DLC1: variants seen among roughly 807,000 people sequenced by gnomAD.
The protein encoded by DLC1 is rho GTPase-activating protein 7.
Under a neutral mutation model 140.3 loss-of-function variants are expected in DLC1, and 54 were observed. The observed-to-expected ratio is 0.38, with a 90% CI of 0.31 to 0.48. DLC1 has a LOEUF of 0.48. DLC1 is among the 20% of genes least tolerant of loss of function. DLC1 has a pLI of 0.96. For synonymous variants in DLC1, 986 were observed against 728.1 expected (o/e 1.35, Z -5.70); for missense variants, 2,536 against 1,907.0 (o/e 1.33, Z -6.14).
At chr8:13,394,127 C>T (rs915184207) in intron 3 of DLC1, among the ~76,000 whole-genome samples, 1 of 152,206 alleles carries the variant, frequency 6.6e-6, no homozygotes, top group African/African-American at 2.4e-5. Flanking sequence ...AGAGAGTTCT[C>T]ATTTCTTCTT....
At chr8:13,150,103 G>A (rs577291812) in intron 5 of DLC1, among the ~76,000 whole-genome samples, 3 of 152,128 alleles carry the variant, frequency 2.0e-5, no homozygotes, top group Admixed American at 6.5e-5. Context: ...ATATATGTGT[G>A]TATGTGCGGG....
intron 1 of DLC1, among the ~76,000 whole-genome samples, chr8:13,570,889 C>T (rs149962516): frequency 7.9e-5 from 12 of 152,148 alleles, no homozygotes; most frequent in Non-Finnish European, 1.5e-4. Flanking sequence ...TCTAGACTAA[C>T]CTACCAGACC....
intron 4 of DLC1, among the ~76,000 whole-genome samples, chr8:13,358,741 A>G (rs1197052700): frequency 1.3e-5 from 2 of 152,142 alleles, no homozygotes; most frequent in East Asian, 3.9e-4. Flanking sequence ...AGAGATGTGT[A>G]GAAAAAATTG....
chr8:13,234,225 C>T (rs967356308), intron 5 of DLC1, among the ~76,000 whole-genome samples: 2 of 152,008 alleles, frequency 1.3e-5, no homozygotes, highest in African/African-American at 4.8e-5. Flanking sequence ...ATTCTCAAAG[C>T]TTAAGGCCAA....
At chr8:13,287,820 G>C (rs1831587832) in intron 5 of DLC1, among the ~76,000 whole-genome samples, 1 of 151,522 alleles carries the variant, frequency 6.6e-6, no homozygotes, top group African/African-American at 2.4e-5. Flanking sequence ...AAATAAAACA[G>C]GCAATTTTGC....
chr8:13,506,541 A>G (rs907448056), intron 1 of DLC1, among the ~76,000 whole-genome samples: 3 of 144,628 alleles, frequency 2.1e-5, no homozygotes, highest in Admixed American at 7.1e-5. Context: ...ATACACACAC[A>G]TGGACACACA....
chr8:13,329,837 A>C (rs1833513645), intron 4 of DLC1, among the ~76,000 whole-genome samples: 2 of 152,164 alleles, frequency 1.3e-5, no homozygotes, highest in South Asian at 4.1e-4. Flanking sequence ...GGTAACTTTC[A>C]TGTAGTAAGT....
chr8:13,366,953 G>A (rs920642420), intron 4 of DLC1, among the ~76,000 whole-genome samples: 31 of 151,892 alleles, frequency 2.0e-4, no homozygotes, highest in Non-Finnish European at 3.2e-4. Context: ...CCTGTCTTGC[G>A]TGCATGGGGC....
chr8:13,233,553 T>C (rs543928159), intron 5 of DLC1, among the ~76,000 whole-genome samples: 2 of 152,310 alleles, frequency 1.3e-5, no homozygotes, highest in Admixed American at 6.5e-5. Context: ...ATTCCAATCA[T>C]GGAGTATATT....
intron 1 of DLC1, 49 bp from the exon 2 acceptor site, chr8:13,500,245 T>A (rs1404688244): frequency 1.8e-6 from 1 of 554,196 alleles, no homozygotes; most frequent in Non-Finnish European, 3.1e-6. Flanking sequence ...GTTTCTAAAG[T>A]CAAAATATAT....
At chr8:13,124,666 G>T (rs1006649540) in intron 5 of DLC1, among the ~76,000 whole-genome samples, 2 of 152,212 alleles carry the variant, frequency 1.3e-5, no homozygotes, top group African/African-American at 4.8e-5. Context: ...GTGGCCTTAA[G>T]AAAAGAATTT....
At chr8:13,593,632 A>G (rs1805591449) in intron 1 of DLC1, among the ~76,000 whole-genome samples, 1 of 152,084 alleles carries the variant, frequency 6.6e-6, no homozygotes, top group Non-Finnish European at 1.5e-5. Context: ...GAGATTGTTC[A>G]TTATTAGAGT....
chr8:13,354,003 T>C (rs774020161), intron 4 of DLC1, among the ~76,000 whole-genome samples: 1 of 152,022 alleles, frequency 6.6e-6, no homozygotes, highest in Non-Finnish European at 1.5e-5. Context: ...TTTCTTCACA[T>C]TTCCACTCCT....
At position 13,099,697 on chromosome 8, in the gene DLC1, G is replaced by A. The variant is rs777534672; in HGVS notation, c.2640C>T (p.Asp880=). The A allele has an allele frequency of 2.5e-6, 4 of 1,614,206 alleles. No individual in the cohort carries two copies. The highest frequency in any genetic ancestry group is 3.4e-6 in the Non-Finnish European group (4 of 1,180,038). Reference sequence around the variant, plus strand: ...AGTAGAGGATGGAGCCCGGCACGTTGTCGTAGATGCTCAGGCGGCTGCTCA... The same window carrying A: ...AGTAGAGGATGGAGCCCGGCACGTTATCGTAGATGCTCAGGCGGCTGCTCA... ...SSMSSRLSIY[D]NVPGSILYSS... is the part of the protein sequence containing the mutation. Residue 880 remains aspartate, a synonymous_variant, in exon 9 of 18, where the codon GAC becomes GAT. Coordinates refer to ENST00000276297, the MANE Select transcript of DLC1 (RefSeq NM_182643.3).
intron 2 of DLC1, among the ~76,000 whole-genome samples, chr8:13,458,230 T>A (rs1799500710): frequency 6.6e-6 from 1 of 152,196 alleles, no homozygotes; most frequent in Admixed American, 6.5e-5. Flanking sequence ...AGTGTTATGT[T>A]TATTACCATT....
At chr8:13,183,532 T>C (rs1826161935) in intron 5 of DLC1, among the ~76,000 whole-genome samples, 1 of 152,224 alleles carries the variant, frequency 6.6e-6, no homozygotes, top group Non-Finnish European at 1.5e-5. Flanking sequence ...TGAAGGGCTG[T>C]TGAATTTTGT....
rs545104567 is a variant in DLC1, at chr8:13,125,902, C to G, written c.1349-10245G>C. ...GGTTTTGCCTTGAAAGGAGGAAACA[C>G]TGGGAGACAGGCCCTGCAAGCCTAT... On this transcript the variant is annotated intron_variant, in intron 5 of 17. Coordinates refer to ENST00000276297, the MANE Select transcript of DLC1 (RefSeq NM_182643.3). Among the ~76,000 whole-genome samples, 3 of 152,162 alleles carry G rather than the reference C, an allele frequency of 2.0e-5. No homozygotes were observed. In the East Asian group the frequency reaches 5.8e-4, roughly 29 times the overall value.
At chr8:13,090,619 C>G (rs574513655) in intron 14 of DLC1, 149 bp from the exon 15 acceptor site, 1 of 784,168 alleles carries the variant, frequency 1.3e-6, no homozygotes, top group Non-Finnish European at 2.0e-6. Flanking sequence ...TCATGCTGAC[C>G]GCACGTGTTA....
chr8:13,452,023 T>C (rs1054333104), intron 2 of DLC1, among the ~76,000 whole-genome samples: 3 of 152,130 alleles, frequency 2.0e-5, no homozygotes, highest in Admixed American at 2.0e-4. Context: ...TTTTTTTAAA[T>C]CAGACTTTAT....
Sources: allele counts gnomAD v4.1 joint callset (sites outside exome capture counted in the v4.1 genomes callset), GRCh38; gene constraint gnomAD v4.1.1; transcripts MANE v1.5; gene names NCBI Gene and HGNC (gene_info 2026-07-23, HGNC 2026-07-21).